Variants in CFAP299 observed in about 807,000 individuals in gnomAD.
The protein encoded by CFAP299 is cilia and flagella associated protein 299.
CFAP299 carries 21 observed loss-of-function variants against 27.0 expected under a neutral mutation model. That is an observed-to-expected ratio of 0.78 (90% CI 0.55 to 1.12). CFAP299 has a LOEUF of 1.12. CFAP299 is among the 50% of genes most tolerant of loss of function. The pLI is 0.00. For synonymous variants in CFAP299, 104 were observed against 98.1 expected (o/e 1.06, Z -0.36); for missense variants, 310 against 276.6 (o/e 1.12, Z -0.86).
chr4:80,360,877 C>T (rs1313292901), intron 1 of CFAP299, among the ~76,000 whole-genome samples: 1 of 152,116 alleles, frequency 6.6e-6, no homozygotes, highest in Non-Finnish European at 1.5e-5. Flanking sequence ...CTTTGTCTTT[C>T]TTTGTGGCCC....
At chr4:80,667,402 T>C (rs987201359) in intron 3 of CFAP299, among the ~76,000 whole-genome samples, 1 of 152,166 alleles carries the variant, frequency 6.6e-6, no homozygotes, top group East Asian at 1.9e-4. Context: ...TAAACTATAG[T>C]CACAGTACTG....
At chr4:80,589,269 G>A (rs573414656) in intron 3 of CFAP299, among the ~76,000 whole-genome samples, 3 of 152,108 alleles carry the variant, frequency 2.0e-5, no homozygotes, top group Non-Finnish European at 4.4e-5. Context: ...TAAAACTCAT[G>A]TTTAAACTCA....
chr4:80,381,101 T>A (rs917030029), intron 2 of CFAP299, among the ~76,000 whole-genome samples: 1 of 152,230 alleles, frequency 6.6e-6, no homozygotes. Context: ...TGTTCAAGCA[T>A]GTCTGTTCTT....
intron 2 of CFAP299, among the ~76,000 whole-genome samples, chr4:80,567,135 C>T (rs889723542): frequency 2.0e-5 from 3 of 152,030 alleles, no homozygotes; most frequent in African/African-American, 7.2e-5. Context: ...GAGAAGAAAC[C>T]TCTGTCTAGT....
At chr4:80,492,997 C>T (rs1240076326) in intron 2 of CFAP299, among the ~76,000 whole-genome samples, 1 of 151,988 alleles carries the variant, frequency 6.6e-6, no homozygotes, top group Non-Finnish European at 1.5e-5. Flanking sequence ...GGTGAGTTAT[C>T]TCCTATCTCC....
intron 3 of CFAP299, among the ~76,000 whole-genome samples, chr4:80,750,958 A>C (rs568925880): frequency 6.6e-6 from 1 of 152,296 alleles, no homozygotes; most frequent in Non-Finnish European, 1.5e-5. Flanking sequence ...TTGGGTTACA[A>C]CATGCTCCTT....
intron 2 of CFAP299, among the ~76,000 whole-genome samples, chr4:80,497,438 AAAGT>A (rs1458047699): frequency 6.6e-6 from 1 of 152,228 alleles, no homozygotes; most frequent in Non-Finnish European, 1.5e-5. Flanking sequence ...GTTACAAAAT[AAAGT>A]AAGTTCTCAC....
At chr4:80,768,132 T>A (rs940477805) in intron 3 of CFAP299, among the ~76,000 whole-genome samples, 3 of 152,182 alleles carry the variant, frequency 2.0e-5, no homozygotes, top group Admixed American at 6.5e-5. Flanking sequence ...TTGGCATCCA[T>A]TTGCTTCCCT....
chr4:80,691,898 C>T (rs1435088363), intron 3 of CFAP299, among the ~76,000 whole-genome samples: 3 of 152,028 alleles, frequency 2.0e-5, no homozygotes, highest in Non-Finnish European at 2.9e-5. Flanking sequence ...TATACACCAA[C>T]AACAGACAAA....
intron 2 of CFAP299, among the ~76,000 whole-genome samples, chr4:80,422,124 T>TA (rs1217247563): frequency 6.6e-6 from 1 of 151,862 alleles, no homozygotes; most frequent in African/African-American, 2.4e-5. Flanking sequence ...AAAAGAGATT[T>TA]AAAAAAAATA....
intron 3 of CFAP299, among the ~76,000 whole-genome samples, chr4:80,672,137 G>T (rs1741522374): frequency 6.6e-6 from 1 of 152,012 alleles, no homozygotes; most frequent in Non-Finnish European, 1.5e-5. Context: ...ATTGGCTGTG[G>T]GTCTCTCATA....
At chr4:80,355,517 C>T (rs1723232545) in intron 1 of CFAP299, among the ~76,000 whole-genome samples, 1 of 152,054 alleles carries the variant, frequency 6.6e-6, no homozygotes, top group Admixed American at 6.6e-5. Flanking sequence ...GCCACCACAC[C>T]TGACTAATGT....
At chr4:80,333,415 TC>T (rs1722011905), upstream of CFAP299, among the ~76,000 whole-genome samples, 3 of 152,312 alleles carry the variant, frequency 2.0e-5, no homozygotes, top group African/African-American at 4.8e-5. Context: ...TATGTTTTTT[TC>T]CTACAATATG....
At chr4:80,529,020 A>G (rs562497448) in intron 2 of CFAP299, among the ~76,000 whole-genome samples, 4 of 152,262 alleles carry the variant, frequency 2.6e-5, no homozygotes, top group Middle Eastern at 3.4e-3. Flanking sequence ...GATTATTTCT[A>G]TAGCTTCTTT....
At chr4:80,906,537 G>A (rs1735194738) in intron 4 of CFAP299, among the ~76,000 whole-genome samples, 1 of 152,180 alleles carries the variant, frequency 6.6e-6, no homozygotes, top group Admixed American at 6.5e-5. Context: ...CCCCTTGAGG[G>A]CTGTGCCCTG....
chr4:80,690,926 T>C lies in CFAP299; in HGVS notation c.333+107743T>C, dbSNP rs1476990252. 1.3e-4 allele frequency among the ~76,000 whole-genome samples: 19 copies of C among 148,804 alleles called. No homozygotes were observed. The East Asian group carries it at 3.8e-3, about 30-fold the overall frequency. On this transcript the variant is annotated intron_variant, in intron 3 of 5. Transcript: ENST00000358105. ...AATACTACAAACACCTCTATGCAAA[T>C]AAACTAGAAAATCTAGAAGAAATGG...
At chr4:80,647,989 G>A (rs1266743487) in intron 3 of CFAP299, among the ~76,000 whole-genome samples, 3 of 152,134 alleles carry the variant, frequency 2.0e-5, no homozygotes, top group African/African-American at 7.2e-5. Context: ...CCCAGGAGGT[G>A]GAGGTTGCAG....
intron 3 of CFAP299, among the ~76,000 whole-genome samples, chr4:80,688,429 C>G (rs7698867): frequency 0.93 from 142,158 of 152,130 alleles, 66,486 homozygotes; most frequent in South Asian, 0.98. Flanking sequence ...AGCAGGGGCA[C>G]ACTGACACCT....
At chr4:80,343,028 A>G (rs1722530846) in intron 1 of CFAP299, among the ~76,000 whole-genome samples, 1 of 152,232 alleles carries the variant, frequency 6.6e-6, no homozygotes, top group African/African-American at 2.4e-5. Context: ...TTGCAATCCT[A>G]GTTTCTGACA....
Sources: allele counts gnomAD v4.1 joint callset (sites outside exome capture counted in the v4.1 genomes callset), GRCh38; gene constraint gnomAD v4.1.1; transcripts MANE v1.5; gene names NCBI Gene and HGNC (gene_info 2026-07-23, HGNC 2026-07-21).